The following GNB1 variants were observed in gnomAD, a reference collection of about 807,000 sequenced individuals.
GNB1 encodes the protein G protein subunit beta 1.
GNB1 carries 2 observed loss-of-function variants against 42.9 expected under a neutral mutation model. That is an observed-to-expected ratio of 0.05 (90% CI 0.02 to 0.15). The LOEUF is 0.15. Among genes scored for constraint, GNB1 ranks in the 10% least tolerant of loss-of-function variants. The pLI, the probability that GNB1 is intolerant of heterozygous loss-of-function variation, is 1.00. For missense variants in GNB1, 193 were observed against 462.2 expected, an observed-to-expected ratio of 0.42 and a Z score of 5.34; for synonymous variants, 183 against 174.7, an observed-to-expected ratio of 1.05 and a Z score of -0.38.
chr1:1,856,943 A>G (rs1648339045), intron 1 of GNB1, among the ~76,000 whole-genome samples: 1 of 152,254 alleles, frequency 6.6e-6, no homozygotes, highest in South Asian at 2.1e-4. Context: ...GTAATACCGT[A>G]AAGACATTCA....
At chr1:1,814,206 T>G (rs1306237066) in intron 5 of GNB1, among the ~76,000 whole-genome samples, 1 of 152,228 alleles carries the variant, frequency 6.6e-6, no homozygotes, top group Admixed American at 6.5e-5. Flanking sequence ...TAGAATCTTT[T>G]GTTCTCTAGC....
intron 1 of GNB1, among the ~76,000 whole-genome samples, chr1:1,880,290 G>A (rs979658675): frequency 2.0e-5 from 3 of 152,110 alleles, no homozygotes; most frequent in African/African-American, 7.2e-5. Flanking sequence ...ACAATGAAAA[G>A]TCAAATAACA....
At chr1:1,840,892 TG>T (rs1647223418) in intron 1 of GNB1, among the ~76,000 whole-genome samples, 1 of 152,216 alleles carries the variant, frequency 6.6e-6, no homozygotes, top group Non-Finnish European at 1.5e-5. Context: ...GAACATTTAT[TG>T]TATTTTTTTT....
chr1:1,822,711 T>G (rs2100960406), intron 3 of GNB1, among the ~76,000 whole-genome samples: 1 of 152,274 alleles, frequency 6.6e-6, no homozygotes, highest in South Asian at 2.1e-4. Flanking sequence ...AAGAAGGCCC[T>G]GGGGAATTCA....
chr1:1,882,682 G>A (rs1649918755), intron 1 of GNB1, among the ~76,000 whole-genome samples: 1 of 152,180 alleles, frequency 6.6e-6, no homozygotes, highest in Admixed American at 6.5e-5. Flanking sequence ...CAGCACTTTG[G>A]GAGGCCGAGG....
chr1:1,872,070 T>G (rs767883460), intron 1 of GNB1, among the ~76,000 whole-genome samples: 7 of 151,866 alleles, frequency 4.6e-5, no homozygotes, highest in Non-Finnish European at 7.4e-5. Context: ...TGTGTGATCA[T>G]AGCTCACTGC....
At chr1:1,816,096 G>A (rs565927755) in intron 4 of GNB1, among the ~76,000 whole-genome samples, 4 of 152,268 alleles carry the variant, frequency 2.6e-5, no homozygotes, top group South Asian at 2.1e-4. Flanking sequence ...TCCAATGCAC[G>A]CACACGAACA....
At chr1:1,844,367 G>A (rs763053871) in intron 1 of GNB1, among the ~76,000 whole-genome samples, 73 of 147,128 alleles carry the variant, frequency 5.0e-4, no homozygotes, top group Non-Finnish European at 9.7e-4. Flanking sequence ...CTCCAGCCTC[G>A]ATGGCAGAGT....
intron 7 of GNB1, among the ~76,000 whole-genome samples, chr1:1,798,925 CTT>C (rs34414397): frequency 1.4e-5 from 2 of 141,642 alleles, no homozygotes; most frequent in African/African-American, 2.6e-5. Context: ...CACAAACACT[CTT>C]TTTTTTTTTT....
intron 3 of GNB1, 106 bp from the exon 4 acceptor site, chr1:1,817,981 A>T (rs1646879445): frequency 2.3e-6 from 2 of 851,750 alleles, no homozygotes; most frequent in Non-Finnish European, 2.0e-6. Flanking sequence ...TGTCAGGAGC[A>T]AAAGCAGAAT....
intron 1 of GNB1, among the ~76,000 whole-genome samples, chr1:1,880,986 T>C (rs1227415253): frequency 6.6e-6 from 1 of 150,416 alleles, no homozygotes; most frequent in African/African-American, 2.5e-5. Flanking sequence ...GAGGAAGGGA[T>C]ACATGACAAA....
intron 1 of GNB1, among the ~76,000 whole-genome samples, chr1:1,846,229 A>C (rs1647659878): frequency 6.6e-6 from 1 of 152,072 alleles, no homozygotes; most frequent in African/African-American, 2.4e-5. Flanking sequence ...AAAAAGAGGA[A>C]AAGCGAAGCT....
At chr1:1,855,828 T>C (rs1648264831) in intron 1 of GNB1, among the ~76,000 whole-genome samples, 1 of 152,242 alleles carries the variant, frequency 6.6e-6, no homozygotes, top group East Asian at 1.9e-4. Flanking sequence ...CTTTGGCTAT[T>C]TCAAAGAGGA....
intron 5 of GNB1, among the ~76,000 whole-genome samples, chr1:1,812,042 G>A (rs1646786913): frequency 6.6e-6 from 1 of 151,842 alleles, no homozygotes; most frequent in Non-Finnish European, 1.5e-5. Context: ...GTCCAGGCTG[G>A]GTGACAGAGC....
At position 1,877,473 on chromosome 1, in the gene GNB1, G is replaced by A. The variant is rs1649614052; in HGVS notation, c.-96+13347C>T. Among the ~76,000 whole-genome samples the A allele has an allele frequency of 2.6e-5, 4 of 151,684 alleles. No homozygotes were observed. The South Asian group carries it at 8.3e-4, about 31-fold the overall frequency. On this transcript the variant is annotated intron_variant, in intron 1 of 11. Coordinates refer to ENST00000378609, the MANE Select transcript of GNB1 (RefSeq NM_002074.5). ...GAGAGATTATAGATTTTTGCTGTAT[G>A]TTCCTAATTTCCCTTTTTTATAAAA...
At chr1:1,796,049 C>A (rs1309013142) in intron 7 of GNB1, among the ~76,000 whole-genome samples, 1 of 152,222 alleles carries the variant, frequency 6.6e-6, no homozygotes, top group Non-Finnish European at 1.5e-5. Flanking sequence ...GAAAACCATG[C>A]TCCAAGTACC....
intron 1 of GNB1, among the ~76,000 whole-genome samples, chr1:1,884,653 T>C (rs1474007635): frequency 1.3e-5 from 2 of 152,064 alleles, no homozygotes; most frequent in Admixed American, 1.3e-4. Context: ...TAAACAAGAA[T>C]ACATTCCACT....
intron 7 of GNB1, among the ~76,000 whole-genome samples, chr1:1,797,420 G>T (rs1646561168): frequency 6.6e-6 from 1 of 151,964 alleles, no homozygotes; most frequent in African/African-American, 2.4e-5. Context: ...AAAAGATGAT[G>T]ATTCAAAGTT....
chr1:1,820,941 T>C (rs1318812343), intron 3 of GNB1, among the ~76,000 whole-genome samples: 1 of 152,190 alleles, frequency 6.6e-6, no homozygotes, highest in Non-Finnish European at 1.5e-5. Context: ...GGAAACAAGC[T>C]CTATAACTGC....
Sources: gnomAD v4.1 joint callset for allele counts (sites outside exome capture counted in the v4.1 genomes callset) on GRCh38, gnomAD v4.1.1 for gene constraint, MANE v1.5 for transcripts, NCBI Gene and HGNC (gene_info 2026-07-23, HGNC 2026-07-21) for gene names.